The following ASTN2 variants were observed in gnomAD, a reference collection of about 807,000 sequenced individuals.
The protein encoded by ASTN2 is astrotactin-2.
ASTN2 carries 54 observed loss-of-function variants against 139.8 expected under a neutral mutation model. That is an observed-to-expected ratio of 0.39 (90% CI 0.31 to 0.48). The LOEUF (loss-of-function observed/expected upper bound fraction) is 0.48, where lower values mean the gene tolerates loss of function less well. ASTN2 is among the 20% of genes least tolerant of loss of function. ASTN2 has a pLI of 0.95. For missense variants in ASTN2, 1,565 were observed against 1,725.1 expected (o/e 0.91, Z 1.64); for synonymous variants, 756 against 719.5 (o/e 1.05, Z -0.81).
At chr9:116,927,540 G>A (rs1588417716) in intron 10 of ASTN2, among the ~76,000 whole-genome samples, 1 of 152,134 alleles carries the variant, frequency 6.6e-6, no homozygotes, top group Non-Finnish European at 1.5e-5. Flanking sequence ...TCACTGCTTT[G>A]GATTGATCAG....
intron 4 of ASTN2, among the ~76,000 whole-genome samples, chr9:117,131,756 A>G (rs1324480087): frequency 6.6e-6 from 1 of 152,176 alleles, no homozygotes; most frequent in Non-Finnish European, 1.5e-5. Context: ...TAATCCACCT[A>G]TGACCTGTAA....
chr9:116,646,183 T>C (rs1441248940), intron 17 of ASTN2, among the ~76,000 whole-genome samples: 1 of 152,182 alleles, frequency 6.6e-6, no homozygotes, highest in Non-Finnish European at 1.5e-5. Context: ...TCTGCTTCCA[T>C]GTAAATAAAG....
chr9:116,989,136 AT>A (rs543191295), intron 7 of ASTN2, among the ~76,000 whole-genome samples: 133 of 151,604 alleles, frequency 8.8e-4, no homozygotes, highest in Non-Finnish European at 1.5e-3. Flanking sequence ...ACTCATTGAC[AT>A]TTTTTTTTCC....
intron 2 of ASTN2, among the ~76,000 whole-genome samples, chr9:117,237,254 T>A (rs1250778864): frequency 6.6e-6 from 1 of 152,054 alleles, no homozygotes; most frequent in Non-Finnish European, 1.5e-5. Context: ...TATTTTTTTT[T>A]ATAGGTAAGG....
At chr9:116,955,487 A>G (rs1380952684) in intron 10 of ASTN2, among the ~76,000 whole-genome samples, 1 of 152,260 alleles carries the variant, frequency 6.6e-6, no homozygotes, top group East Asian at 1.9e-4. Context: ...GACTAAGTTA[A>G]GAGCTAGCCG....
intron 10 of ASTN2, among the ~76,000 whole-genome samples, chr9:116,913,662 G>A (rs1834372899): frequency 6.6e-6 from 1 of 152,158 alleles, no homozygotes; most frequent in Non-Finnish European, 1.5e-5. Context: ...CCCTTTTATA[G>A]CACTTATATT....
At chr9:116,916,505 G>C (rs530722241) in intron 10 of ASTN2, among the ~76,000 whole-genome samples, 1 of 152,278 alleles carries the variant, frequency 6.6e-6, no homozygotes, top group East Asian at 1.9e-4. Flanking sequence ...TTGGCCGTCT[G>C]ACACCAACAC....
At chr9:116,569,153 C>T (rs73655410) in intron 19 of ASTN2, among the ~76,000 whole-genome samples, 3,637 of 152,198 alleles carry the variant, frequency 0.024, 136 homozygotes, top group African/African-American at 0.083. Context: ...AGGGAAGCAA[C>T]GAACCAAAGT....
chr9:117,256,788 AGTTTTT>A (rs1833698583), intron 2 of ASTN2, among the ~76,000 whole-genome samples: 1 of 152,214 alleles, frequency 6.6e-6, no homozygotes, highest in Non-Finnish European at 1.5e-5. Flanking sequence ...CTTCTAAATT[AGTTTTT>A]CATTCAACAG....
At chr9:116,542,604 C>T (rs1038771845) in intron 19 of ASTN2, among the ~76,000 whole-genome samples, 14 of 152,018 alleles carry the variant, frequency 9.2e-5, no homozygotes, top group Admixed American at 3.3e-4. Context: ...ATCATCAGTC[C>T]CATCCATCAA....
intron 17 of ASTN2, among the ~76,000 whole-genome samples, chr9:116,632,207 A>AGAAAGAAAGAAAGAG (rs71377259): frequency 1.2e-5 from 1 of 85,004 alleles, no homozygotes; most frequent in Non-Finnish European, 2.3e-5. Context: ...AAAGAAAGAA[A>AGAAAGAAAGAAAGAG]AGAAAGAAAG....
At chr9:116,665,260 T>C (rs1858793568) in intron 16 of ASTN2, among the ~76,000 whole-genome samples, 1 of 152,194 alleles carries the variant, frequency 6.6e-6, no homozygotes, top group Admixed American at 6.6e-5. Context: ...ACTGACACAA[T>C]TGGTATTGCT....
intron 3 of ASTN2, among the ~76,000 whole-genome samples, chr9:117,163,829 C>G (rs913914296): frequency 6.6e-6 from 1 of 152,024 alleles, no homozygotes; most frequent in African/African-American, 2.4e-5. Context: ...TGTAGACTTC[C>G]ACTCTTGTAA....
intron 5 of ASTN2, among the ~76,000 whole-genome samples, chr9:117,076,883 T>C (rs1224970290): frequency 6.6e-6 from 1 of 152,208 alleles, no homozygotes; most frequent in Non-Finnish European, 1.5e-5. Context: ...TTTTCTTCTT[T>C]TTTCCCCTTT....
intron 16 of ASTN2, among the ~76,000 whole-genome samples, chr9:116,674,792 G>C (rs1265440444): frequency 6.6e-6 from 1 of 152,130 alleles, no homozygotes; most frequent in East Asian, 1.9e-4. Context: ...CAAGGAGACA[G>C]CTTCAACTCC....
At chr9:117,286,606 G>T (rs887162411) in intron 2 of ASTN2, among the ~76,000 whole-genome samples, 2 of 152,174 alleles carry the variant, frequency 1.3e-5, no homozygotes, top group African/African-American at 4.8e-5. Context: ...GCCCATAATA[G>T]CTTGTTCTGA....
At chr9:116,633,698 C>T (rs1856920856) in intron 17 of ASTN2, among the ~76,000 whole-genome samples, 1 of 152,150 alleles carries the variant, frequency 6.6e-6, no homozygotes, top group Non-Finnish European at 1.5e-5. Flanking sequence ...TTCCAGTACG[C>T]CCATTGTCCC....
At chr9:117,055,107 C>G (rs1471890225) in intron 5 of ASTN2, among the ~76,000 whole-genome samples, 4 of 152,206 alleles carry the variant, frequency 2.6e-5, no homozygotes, top group Non-Finnish European at 5.9e-5. Context: ...TGACCAGTAC[C>G]AGTCTGCAGC....
chr9:116,949,875 C>A (rs1331335040), intron 10 of ASTN2, among the ~76,000 whole-genome samples: 2 of 152,156 alleles, frequency 1.3e-5, no homozygotes. Context: ...GTACCTATCT[C>A]ATAATGCGTT....
Sources: gnomAD v4.1 joint callset for allele counts (sites outside exome capture counted in the v4.1 genomes callset) on GRCh38, gnomAD v4.1.1 for gene constraint, MANE v1.5 for transcripts, NCBI Gene and HGNC (gene_info 2026-07-23, HGNC 2026-07-21) for gene names.